Variants in CAMTA1 observed in about 807,000 individuals in gnomAD.
The protein encoded by CAMTA1 is calmodulin binding transcription activator 1, also known as calmodulin-binding transcription activator 1.
In CAMTA1, 27 loss-of-function variants were observed where a neutral mutation model predicts 170.9. The observed-to-expected ratio is 0.16, with a 90% CI of 0.12 to 0.22. The LOEUF (loss-of-function observed/expected upper bound fraction) is 0.22. Ranked by LOEUF, CAMTA1 falls within the 10% of genes least tolerant of loss-of-function variation. The probability of loss-of-function intolerance (pLI) is 1.00; values close to 1 mark genes in which losing one functional copy is unlikely to be tolerated. For missense variants in CAMTA1, 1,619 were observed against 2,217.2 expected (o/e 0.73, Z 5.42); for synonymous variants, 833 against 891.5 (o/e 0.93, Z 1.17).
chr1:7,441,433 A>G (rs996251733), intron 5 of CAMTA1: 1 of 152,256 alleles, frequency 6.6e-6, no homozygotes, highest in Non-Finnish European at 1.5e-5. Flanking sequence ...AGTATCAGAA[A>G]GATACTCAGA....
At chr1:7,598,185 G>A (rs2095415284) in intron 6 of CAMTA1, among the ~76,000 whole-genome samples, 1 of 151,370 alleles carries the variant, frequency 6.6e-6, no homozygotes, top group East Asian at 1.9e-4. Context: ...AACATGTGGT[G>A]TTTGGTTTTT....
At chr1:7,691,055 A>G (rs558728498) in intron 11 of CAMTA1, among the ~76,000 whole-genome samples, 45 of 152,342 alleles carry the variant, frequency 3.0e-4, no homozygotes, top group African/African-American at 9.4e-4. Context: ...AGGGGAGGAA[A>G]CATCCGAACT....
chr1:6,797,996 A>AT (rs375770205), intron 1 of CAMTA1, among the ~76,000 whole-genome samples: 21,002 of 141,746 alleles, frequency 0.15, 1,617 homozygotes, highest in East Asian at 0.29. Flanking sequence ...GAAGAAAGGA[A>AT]TTTTTTTTTT....
chr1:7,071,555 G>C (rs888806476), intron 3 of CAMTA1, among the ~76,000 whole-genome samples: 3 of 152,174 alleles, frequency 2.0e-5, no homozygotes, highest in South Asian at 2.1e-4. Flanking sequence ...GTGTAGTGCA[G>C]AGCTGTTGAT....
chr1:7,646,864 C>A (rs1483769223), intron 7 of CAMTA1, among the ~76,000 whole-genome samples: 1 of 152,114 alleles, frequency 6.6e-6, no homozygotes, highest in Non-Finnish European at 1.5e-5. Flanking sequence ...GCTGTCATGG[C>A]CCCCACAGTC....
chr1:6,986,196 T>C (rs1296366642), intron 3 of CAMTA1, among the ~76,000 whole-genome samples: 1 of 152,168 alleles, frequency 6.6e-6, no homozygotes, highest in African/African-American at 2.4e-5. Context: ...CTGCCATGTC[T>C]CTCACCAGGA....
At chr1:6,964,668 T>C (rs1572079594) in intron 3 of CAMTA1, among the ~76,000 whole-genome samples, 1 of 152,354 alleles carries the variant, frequency 6.6e-6, no homozygotes, top group South Asian at 2.1e-4. Flanking sequence ...GATACACTCA[T>C]TCCTTTGTAC....
intron 11 of CAMTA1, among the ~76,000 whole-genome samples, chr1:7,702,492 T>C (rs752972310): frequency 6.6e-6 from 1 of 152,154 alleles, no homozygotes; most frequent in African/African-American, 2.4e-5. Context: ...AGGCAGGCGC[T>C]GTCTCTCCTG....
chr1:7,728,606 A>T (rs1378206811), intron 11 of CAMTA1, among the ~76,000 whole-genome samples: 1 of 152,212 alleles, frequency 6.6e-6, no homozygotes, highest in Non-Finnish European at 1.5e-5. Context: ...TTTCAATGGG[A>T]TGCATAACGA....
At chr1:7,760,055 A>T (rs1439696769) in intron 22 of CAMTA1, among the ~76,000 whole-genome samples, 1 of 152,248 alleles carries the variant, frequency 6.6e-6, no homozygotes, top group Non-Finnish European at 1.5e-5. Context: ...TGGGAATGCT[A>T]GTATTTAATT....
intron 3 of CAMTA1, among the ~76,000 whole-genome samples, chr1:6,950,053 G>A (rs1278421004): frequency 6.6e-6 from 1 of 152,254 alleles, no homozygotes; most frequent in Non-Finnish European, 1.5e-5. Flanking sequence ...CCCAAGGAAG[G>A]GTGAATCTGT....
chr1:7,170,787 G>T (rs1157350920), intron 4 of CAMTA1, among the ~76,000 whole-genome samples: 1 of 152,050 alleles, frequency 6.6e-6, no homozygotes, highest in South Asian at 2.1e-4. Context: ...TTTTTTCTGG[G>T]ATCTTTTTGT....
At chr1:7,177,979 C>G (rs1184375072) in intron 4 of CAMTA1, among the ~76,000 whole-genome samples, 1 of 152,092 alleles carries the variant, frequency 6.6e-6, no homozygotes, top group Non-Finnish European at 1.5e-5. Flanking sequence ...AACCCCCTCC[C>G]CACGCGTGGA....
intron 3 of CAMTA1, among the ~76,000 whole-genome samples, chr1:7,047,804 T>C (rs1036566711): frequency 1.3e-5 from 2 of 150,460 alleles, no homozygotes; most frequent in Non-Finnish European, 2.9e-5. Flanking sequence ...GTGGTGATGG[T>C]GGTGGAGCGT....
intron 5 of CAMTA1, among the ~76,000 whole-genome samples, chr1:7,308,664 C>A (rs1675977983): frequency 1.3e-5 from 2 of 152,086 alleles, no homozygotes; most frequent in African/African-American, 4.8e-5. Flanking sequence ...TTATTGATTT[C>A]TAAATTAATT....
Position 7,744,438 on chromosome 1 carries a change from G to A in CAMTA1, c.4183-397G>A, listed in dbSNP as rs1181241331. Among the ~76,000 whole-genome samples, 7 of 152,150 alleles carry A rather than the reference G, an allele frequency of 4.6e-5. No homozygotes were observed. In the East Asian group the frequency reaches 7.7e-4, roughly 17 times the overall value. On this transcript the variant is annotated intron_variant, in intron 16 of 22. Coordinates refer to ENST00000303635, the MANE Select transcript of CAMTA1 (RefSeq NM_015215.4). Reference sequence around the variant, plus strand: ...TGAGCCACTGTTCCCAGCCTAGACCGGGGTTCTCTAGGCCAGACAAAAGGG... The same window carrying A: ...TGAGCCACTGTTCCCAGCCTAGACCAGGGTTCTCTAGGCCAGACAAAAGGG...
Position 6,825,390 on chromosome 1 carries a change from G to C in CAMTA1, c.234+180G>C, listed in dbSNP as rs562321170. ...CCAACATGTTTTTTGATCTGTCTCT[G>C]ATCTGCTTGGCTTGCATTGAAAGAT... On this transcript the variant is annotated intron_variant, in intron 3 of 22. Coordinates refer to ENST00000303635, the MANE Select transcript of CAMTA1 (RefSeq NM_015215.4). Among the ~76,000 whole-genome samples, 9 of 152,274 alleles carry C rather than the reference G, an allele frequency of 5.9e-5. No individual in the cohort carries two copies. The East Asian group carries it at 1.7e-3, about 29-fold the overall frequency.
intron 3 of CAMTA1, among the ~76,000 whole-genome samples, chr1:7,066,149 G>A (rs1708928821): frequency 6.6e-6 from 1 of 152,164 alleles, no homozygotes; most frequent in African/African-American, 2.4e-5. Flanking sequence ...CTCTCCGAGG[G>A]GTCTTTTCTC....
chr1:7,284,141 CT>C (rs1671928426), intron 5 of CAMTA1, among the ~76,000 whole-genome samples: 1 of 94,954 alleles, frequency 1.1e-5, no homozygotes, highest in Non-Finnish European at 2.1e-5. Context: ...TCTTCTTCTT[CT>C]TCTTCTTCTT....
Sources: gnomAD v4.1 joint callset for allele counts (sites outside exome capture counted in the v4.1 genomes callset) on GRCh38, gnomAD v4.1.1 for gene constraint, MANE v1.5 for transcripts, NCBI Gene and HGNC (gene_info 2026-07-23, HGNC 2026-07-21) for gene names.